The following RGS7BP variants were observed in gnomAD, a reference collection of about 807,000 sequenced individuals.
RGS7BP encodes the protein regulator of G protein signaling 7-binding protein.
Under a neutral mutation model 31.3 loss-of-function variants are expected in RGS7BP, and 9 were observed. The observed-to-expected ratio is 0.29, with a 90% confidence interval of 0.17 to 0.50. The LOEUF is 0.50. Ranked by LOEUF, RGS7BP falls within the 20% of genes least tolerant of loss-of-function variation. The pLI, the probability that RGS7BP is intolerant of heterozygous loss-of-function variation, is 0.98. For missense variants in RGS7BP, 274 were observed against 322.0 expected, an observed-to-expected ratio of 0.85 and a Z score of 1.14; for synonymous variants, 115 against 120.1, an observed-to-expected ratio of 0.96 and a Z score of 0.28.
chr5:64,570,495 A>T (rs144645204), intron 2 of RGS7BP, among the ~76,000 whole-genome samples: 77 of 152,258 alleles, frequency 5.1e-4, no homozygotes, highest in African/African-American at 1.8e-3. Flanking sequence ...TAAATACATA[A>T]ATCATTACAT....
chr5:64,604,958 C>T (rs78439808), intron 5 of RGS7BP, among the ~76,000 whole-genome samples: 4,387 of 152,018 alleles, frequency 0.029, 227 homozygotes, highest in African/African-American at 0.1. Flanking sequence ...TTGCTTGAGG[C>T]CAAGAGTTCG....
At chr5:64,581,194 C>T (rs907264708) in intron 3 of RGS7BP, among the ~76,000 whole-genome samples, 3 of 152,158 alleles carry the variant, frequency 2.0e-5, no homozygotes, top group Non-Finnish European at 1.5e-5. Context: ...GCCTGGGTGG[C>T]ACAGCAAGAC....
At chr5:64,535,712 C>T (rs1459271792) in intron 2 of RGS7BP, among the ~76,000 whole-genome samples, 1 of 152,190 alleles carries the variant, frequency 6.6e-6, no homozygotes, top group East Asian at 1.9e-4. Flanking sequence ...TAGATTTTCA[C>T]TCTCCTTCCA....
intron 2 of RGS7BP, among the ~76,000 whole-genome samples, chr5:64,561,359 G>A (rs1006679277): frequency 6.6e-6 from 1 of 152,138 alleles, no homozygotes; most frequent in Non-Finnish European, 1.5e-5. Flanking sequence ...TGCCTGGGAT[G>A]AATAAACAAA....
intron 2 of RGS7BP, among the ~76,000 whole-genome samples, chr5:64,564,055 G>A (rs57471425): frequency 0.018 from 2,665 of 152,228 alleles, 83 homozygotes; most frequent in African/African-American, 0.06. Flanking sequence ...AGTCAAAAGA[G>A]TTAACTCCCT....
chr5:64,516,008 T>A lies in RGS7BP; in HGVS notation c.332+8131T>A, dbSNP rs182152518. Among the ~76,000 whole-genome samples, 20 of 152,174 alleles carry A rather than the reference T, an allele frequency of 1.3e-4. No homozygotes were observed. In the East Asian group the frequency reaches 3.1e-3, roughly 24 times the overall value. On this transcript the variant is annotated intron_variant, in intron 2 of 5. Transcript: ENST00000334025. ...TATAGAGACTGGGGTCTTGCTATAT[T>A]GCCAAAGCTAGTCCTGAACTTCTGG...
rs1743510881 is a variant in RGS7BP, at chr5:64,611,807, C to A, written c.*2555C>A. On this transcript the variant is annotated 3_prime_UTR_variant, in exon 6 of 6. Transcript: ENST00000334025. ...AGGTAATTCACCGTCTCACATTAGACAGGCCAATGCATCCCTTAGGAGCTG... is the reference window on the plus strand; with the variant it reads ...AGGTAATTCACCGTCTCACATTAGAAAGGCCAATGCATCCCTTAGGAGCTG... The A allele has an allele frequency of 6.6e-6, 1 of 152,062 alleles. No homozygotes were observed. Among genetic ancestry groups the A allele is most frequent in the African/African-American group, 2.4e-5 (1 of 41,398 alleles). The allele number at this position is 152,062 out of a possible 1,614,324, so 9.4% of individuals were successfully genotyped here. A position where few individuals can be genotyped will look rare whatever the true frequency, so the allele number is the denominator to read the frequency against.
At chr5:64,542,898 TC>T (rs1741560748) in intron 2 of RGS7BP, among the ~76,000 whole-genome samples, 1 of 152,228 alleles carries the variant, frequency 6.6e-6, no homozygotes, top group Non-Finnish European at 1.5e-5. Flanking sequence ...CCCATACGAC[TC>T]TGTGAAGTCA....
At chr5:64,518,759 A>G (rs1203696816) in intron 2 of RGS7BP, among the ~76,000 whole-genome samples, 1 of 152,124 alleles carries the variant, frequency 6.6e-6, no homozygotes, top group Non-Finnish European at 1.5e-5. Context: ...AGGGATGGCA[A>G]ACATTGGTTC....
chr5:64,605,052 T>G (rs1743318877), intron 5 of RGS7BP, among the ~76,000 whole-genome samples: 1 of 152,040 alleles, frequency 6.6e-6, no homozygotes, highest in African/African-American at 2.4e-5. Context: ...AATTAAACAT[T>G]GAATGACTGA....
intron 2 of RGS7BP, among the ~76,000 whole-genome samples, chr5:64,574,077 T>C (rs1022629943): frequency 1.3e-5 from 2 of 152,198 alleles, no homozygotes; most frequent in Non-Finnish European, 2.9e-5. Context: ...CCCTTTACCC[T>C]CCTTTTAGAT....
At position 64,604,968 on chromosome 5, in the gene RGS7BP, G is replaced by A. The variant is rs114592243; in HGVS notation, c.683-4193G>A. On this transcript the variant is annotated intron_variant, in intron 5 of 5. Transcript: ENST00000334025. ...GAGTATTGCTTGAGGCCAAGAGTTC[G>A]AGTCCAGTCTGGGCAACGTAATGAA... Among the ~76,000 whole-genome samples, 1,256 of 152,082 alleles carry A rather than the reference G, an allele frequency of 8.3e-3. 15 individuals carry two copies. Among genetic ancestry groups the A allele is most frequent in the African/African-American group, 0.029 (1,208 of 41,486 alleles).
At chr5:64,543,935 C>T (rs533631152) in intron 2 of RGS7BP, among the ~76,000 whole-genome samples, 16 of 152,252 alleles carry the variant, frequency 1.1e-4, no homozygotes, top group Admixed American at 1.0e-3. Context: ...CATCTCTATA[C>T]AACAGGTAGA....
intron 2 of RGS7BP, among the ~76,000 whole-genome samples, chr5:64,514,898 A>ACAAGTGT (rs1748933073): frequency 1.3e-5 from 2 of 152,216 alleles, no homozygotes; most frequent in Admixed American, 6.5e-5. Flanking sequence ...TGGCATCAAG[A>ACAAGTGT]CAAGTGTTCT....
At chr5:64,586,060 A>G (rs1207700037) in intron 3 of RGS7BP, among the ~76,000 whole-genome samples, 1 of 152,220 alleles carries the variant, frequency 6.6e-6, no homozygotes, top group Non-Finnish European at 1.5e-5. Context: ...AAACATTGAC[A>G]TGAAGTCACC....
At chr5:64,605,796 A>G (rs1000195840) in intron 5 of RGS7BP, among the ~76,000 whole-genome samples, 2 of 151,802 alleles carry the variant, frequency 1.3e-5, no homozygotes, top group Admixed American at 6.6e-5. Flanking sequence ...TTTCTCATCA[A>G]TCCTAACAAT....
At chr5:64,595,455 T>C (rs1743039336) in intron 4 of RGS7BP, among the ~76,000 whole-genome samples, 1 of 152,164 alleles carries the variant, frequency 6.6e-6, no homozygotes, top group Non-Finnish European at 1.5e-5. Context: ...TTAACTTCAG[T>C]AGCTCACTTC....
At chr5:64,526,070 T>C (rs536444497) in intron 2 of RGS7BP, among the ~76,000 whole-genome samples, 1 of 152,116 alleles carries the variant, frequency 6.6e-6, no homozygotes, top group South Asian at 2.1e-4. Context: ...ACTGAGACAA[T>C]GAGTATTGAC....
chr5:64,516,154 CA>C (rs1748968173), intron 2 of RGS7BP, among the ~76,000 whole-genome samples: 2 of 152,102 alleles, frequency 1.3e-5, no homozygotes, highest in African/African-American at 4.8e-5. Flanking sequence ...ATCAGGTTAA[CA>C]AAAGTCAATT....
Sources: gnomAD v4.1 joint callset for allele counts (sites outside exome capture counted in the v4.1 genomes callset) on GRCh38, gnomAD v4.1.1 for gene constraint, MANE v1.5 for transcripts, NCBI Gene and HGNC (gene_info 2026-07-23, HGNC 2026-07-21) for gene names.